The following DDX50 variants were observed in gnomAD, a reference collection of about 807,000 sequenced individuals.
The protein encoded by DDX50 is DExD-box helicase 50.
Under a neutral mutation model 94.8 loss-of-function variants are expected in DDX50, and 56 were observed. The observed-to-expected ratio is 0.59, with a 90% CI of 0.48 to 0.74. The LOEUF is 0.74. Ranked by LOEUF, DDX50 falls within the 30% of genes least tolerant of loss-of-function variation. The pLI is 0.00. For missense variants in DDX50, 713 were observed against 881.2 expected (o/e 0.81, Z 2.42); for synonymous variants, 264 against 295.4 (o/e 0.89, Z 1.09).
At chr10:68,924,774 C>T (rs181453670) in intron 8 of DDX50, among the ~76,000 whole-genome samples, 29 of 151,814 alleles carry the variant, frequency 1.9e-4, no homozygotes, top group East Asian at 1.4e-3. Context: ...AGTTTAGATC[C>T]TCTGTCCAGC....
chr10:68,904,727 G>T lies in DDX50; in HGVS notation c.88-1984G>T, dbSNP rs114279396. 2.3e-3 allele frequency among the ~76,000 whole-genome samples: 346 copies of T among 152,330 alleles called. 1 individual carries two copies. Among genetic ancestry groups the T allele is most frequent in the African/African-American group, 8.1e-3 (336 of 41,570 alleles). On this transcript the variant is annotated intron_variant, in intron 1 of 14. Coordinates refer to ENST00000373585, the MANE Select transcript of DDX50 (RefSeq NM_024045.2). The stretch of plus-strand genomic sequence containing the variant: ...TGCTTCAACTTCTCTCTGTAGTGCA[G>T]GGCCCAGAAGCAATTCAAGCCCCAA...
chr10:68,923,589 C>A (rs1372421602), intron 8 of DDX50, among the ~76,000 whole-genome samples: 2 of 152,042 alleles, frequency 1.3e-5, no homozygotes, highest in Non-Finnish European at 2.9e-5. Context: ...ATCAGCCAGG[C>A]TGGAGTGCAG....
intron 14 of DDX50, among the ~76,000 whole-genome samples, chr10:68,945,841 G>A (rs988189041): frequency 6.6e-6 from 1 of 152,050 alleles, no homozygotes; most frequent in Admixed American, 6.6e-5. Flanking sequence ...TGAAAACAAC[G>A]CACTACTTAT....
chr10:68,926,034 C>T (rs1842075144), intron 8 of DDX50, among the ~76,000 whole-genome samples: 1 of 144,750 alleles, frequency 6.9e-6, no homozygotes, highest in African/African-American at 2.6e-5. Flanking sequence ...AAAGATTAGC[C>T]AGTTGTGGTG....
intron 7 of DDX50, 117 bp from the exon 8 acceptor site, chr10:68,919,715 T>G: frequency 7.9e-7 from 1 of 1,273,804 alleles, no homozygotes; most frequent in Non-Finnish European, 1.1e-6. Context: ...GAGGAGAGTC[T>G]TTGTCTTACA....
chr10:68,931,391 A>AT (rs1235609556), intron 8 of DDX50, among the ~76,000 whole-genome samples: 9,524 of 53,654 alleles, frequency 0.18, 471 homozygotes, highest in Non-Finnish European at 0.21. Context: ...TTAAAAAAAA[A>AT]AATATATATA....
At chr10:68,918,416 C>G (rs547850370) in intron 7 of DDX50, among the ~76,000 whole-genome samples, 3 of 147,710 alleles carry the variant, frequency 2.0e-5, no homozygotes, top group Non-Finnish European at 4.5e-5. Context: ...AACAGTTACT[C>G]TCCATTCCCT....
At chr10:68,936,429 C>G (rs1234590175) in intron 11 of DDX50, among the ~76,000 whole-genome samples, 1 of 128,360 alleles carries the variant, frequency 7.8e-6, no homozygotes, top group African/African-American at 3.0e-5. Context: ...GCGGAGCTTG[C>G]AGGGAATCGA....
intron 14 of DDX50, among the ~76,000 whole-genome samples, chr10:68,945,805 T>A (rs1431439525): frequency 6.6e-6 from 1 of 152,188 alleles, no homozygotes; most frequent in Non-Finnish European, 1.5e-5. Context: ...TGGGCTCTTT[T>A]ACTTTTTGCT....
At chr10:68,945,766 T>G (rs1430463291) in intron 14 of DDX50, among the ~76,000 whole-genome samples, 1 of 152,210 alleles carries the variant, frequency 6.6e-6, no homozygotes, top group Admixed American at 6.5e-5. Context: ...AGTCCTTGGC[T>G]GGTGTTGACT....
chr10:68,936,809 C>T, intron 11 of DDX50, 127 bp from the exon 12 acceptor site: 2 of 949,684 alleles, frequency 2.1e-6, no homozygotes, highest in Middle Eastern at 3.6e-4. Context: ...CCAGTGCGCT[C>T]CAGACTGGGT....
chr10:68,931,978 T>TGATGTTAG (rs1295885542), intron 8 of DDX50, among the ~76,000 whole-genome samples: 6 of 152,196 alleles, frequency 3.9e-5, no homozygotes, highest in Admixed American at 3.9e-4. Flanking sequence ...TAGTTCCTTA[T>TGATGTTAG]GATGTTAGGT....
chr10:68,932,465 G>A (rs1009639665), intron 8 of DDX50, among the ~76,000 whole-genome samples: 12 of 152,056 alleles, frequency 7.9e-5, no homozygotes, highest in African/African-American at 2.9e-4. Flanking sequence ...TCACCATGTT[G>A]GCCAGGCTGG....
rs1428607043 is a variant in DDX50 at position 68,913,193 on chromosome 10, C to G, written c.671C>G (p.Ala224Gly). Residue 224 changes from alanine (A) to glycine (G), a missense_variant, in exon 5 of 15, where the codon GCA becomes GGA. By Grantham distance (60) the Ala-to-Gly change is moderately conservative (BLOSUM62 0). Around this residue, in one of 2 missense-constraint regions of DDX50, gnomAD observed 285 missense variants for 278.9 expected, o/e 1.02. Transcript: ENST00000373585. ...VLVLAPTRELANQVAKDFKDI... is the reference protein window; with the variant it reads ...VLVLAPTRELGNQVAKDFKDI... The stretch of plus-strand genomic sequence containing the variant: ...GTTTTGGCTCCAACAAGGGAACTGG[C>G]AAACCAAGTAGCCAAAGACTTCAAA... 6.2e-7 allele frequency: 1 copy of G among 1,611,678 alleles called. No individual in the cohort carries two copies. The highest frequency in any genetic ancestry group is 1.3e-5 in the African/African-American group (1 of 74,882).
chr10:68,933,709 G>A lies in DDX50; in HGVS notation c.1240-490G>A, dbSNP rs181362186. Among the ~76,000 whole-genome samples, 424 of 151,992 alleles carry A rather than the reference G, an allele frequency of 2.8e-3. 2 individuals carry two copies. The highest frequency in any genetic ancestry group is 0.021 in the Middle Eastern group (6 of 290). ...AGCACTTTGGGAGGCAGAGGCTGGC[G>A]GATCACCTGAGGTCAGCGAGTTCAA... On this transcript the variant is annotated intron_variant, in intron 8 of 14. Transcript: ENST00000373585.
chr10:68,911,727 C>A (rs1426896477), intron 4 of DDX50: 1 of 152,138 alleles, frequency 6.6e-6, no homozygotes, highest in African/African-American at 2.4e-5. Context: ...TGTGTCATTC[C>A]AATTTTAGCG....
At chr10:68,901,636 C>A (rs1323580795) in intron 1 of DDX50, among the ~76,000 whole-genome samples, 165 bp downstream of exon 1, 4 of 152,190 alleles carry the variant, frequency 2.6e-5, no homozygotes, top group Admixed American at 2.6e-4. Context: ...CCGTTTCCAC[C>A]TCCACCCTCC....
intron 2 of DDX50, among the ~76,000 whole-genome samples, chr10:68,907,317 CTT>C (rs59316500): frequency 3.8e-5 from 5 of 130,456 alleles, no homozygotes; most frequent in Non-Finnish European, 6.3e-5. Context: ...TTTCTTTTTT[CTT>C]TTTTTTTTTT....
intron 7 of DDX50, among the ~76,000 whole-genome samples, chr10:68,916,235 T>A (rs898691880): frequency 6.6e-6 from 1 of 151,058 alleles, no homozygotes; most frequent in Non-Finnish European, 1.5e-5. Context: ...ACGCCTGTAG[T>A]CCCAACTACT....
Sources: gnomAD v4.1 joint callset for allele counts (sites outside exome capture counted in the v4.1 genomes callset) on GRCh38, gnomAD v4.1.1 for gene constraint, gnomAD v4.1.1 regional missense constraint, MANE v1.5 for transcripts, NCBI Gene and HGNC (gene_info 2026-07-23, HGNC 2026-07-21) for gene names.